Variants in PLCB4 observed in about 807,000 individuals in gnomAD.
PLCB4 encodes the protein phospholipase C beta 4.
Under a neutral mutation model 178.8 loss-of-function variants are expected in PLCB4, and 77 were observed. The ratio of observed to expected loss-of-function variants is 0.43; its 90% CI spans 0.36 to 0.52. The LOEUF (loss-of-function observed/expected upper bound fraction) is 0.52. Ranked by LOEUF, PLCB4 falls within the 20% of genes least tolerant of loss-of-function variation. PLCB4 has a pLI of 0.00. For missense variants in PLCB4, 1,024 were observed against 1,453.4 expected (o/e 0.70, Z 4.80); for synonymous variants, 496 against 490.8 (o/e 1.01, Z -0.14).
intron 3 of PLCB4, among the ~76,000 whole-genome samples, chr20:9,239,594 T>C (rs2094033819): frequency 6.6e-6 from 1 of 152,154 alleles, no homozygotes; most frequent in Non-Finnish European, 1.5e-5. Context: ...GATGGAAGGG[T>C]ACGCTATCAT....
rs574290648 is a variant in PLCB4 at position 9,227,043 on chromosome 20, T to C, written c.-16+9591T>C. Among the ~76,000 whole-genome samples the C allele has an allele frequency of 6.6e-5, 10 of 152,224 alleles. No homozygotes were observed. In the East Asian group the frequency reaches 1.7e-3, roughly 26 times the overall value. Reference sequence around the variant, plus strand: ...AATGGTACCTCCTTGTGGTTTTGCTTTATATTCCCTAATGACTGATGCTAT... The same window carrying C: ...AATGGTACCTCCTTGTGGTTTTGCTCTATATTCCCTAATGACTGATGCTAT... On this transcript the variant is annotated intron_variant, in intron 3 of 39. Transcript: ENST00000378473.
At chr20:9,333,449 G>A (rs1432758566) in intron 4 of PLCB4, among the ~76,000 whole-genome samples, 3 of 152,174 alleles carry the variant, frequency 2.0e-5, no homozygotes, top group Non-Finnish European at 4.4e-5. Flanking sequence ...ATGCTAGAGA[G>A]AGCTTGAGGG....
chr20:9,099,082 T>G (rs1220631198), intron 2 of PLCB4, among the ~76,000 whole-genome samples: 3 of 151,988 alleles, frequency 2.0e-5, no homozygotes. Flanking sequence ...TAAATCTACT[T>G]TATACTACTA....
chr20:9,153,822 A>AAAATTC (rs2092734768), intron 2 of PLCB4, among the ~76,000 whole-genome samples: 1 of 151,996 alleles, frequency 6.6e-6, no homozygotes, highest in Non-Finnish European at 1.5e-5. Context: ...TCAGGAAATG[A>AAAATTC]TTATTATAAT....
At chr20:9,113,640 T>A (rs1568774491) in intron 2 of PLCB4, among the ~76,000 whole-genome samples, 1 of 152,210 alleles carries the variant, frequency 6.6e-6, no homozygotes, top group Non-Finnish European at 1.5e-5. Flanking sequence ...AAATTTTATT[T>A]GTGTTTTAAT....
At chr20:9,352,773 T>C (rs1373408163) in intron 7 of PLCB4, among the ~76,000 whole-genome samples, 2 of 152,208 alleles carry the variant, frequency 1.3e-5, no homozygotes, top group Admixed American at 1.3e-4. Context: ...CTGAGGGTAA[T>C]TTAAGAATCA....
intron 9 of PLCB4, among the ~76,000 whole-genome samples, chr20:9,370,299 C>T (rs1420754889): frequency 6.6e-6 from 1 of 152,152 alleles, no homozygotes; most frequent in Non-Finnish European, 1.5e-5. Flanking sequence ...CCCCCTCACC[C>T]AACCCATCAT....
intron 2 of PLCB4, among the ~76,000 whole-genome samples, chr20:9,123,329 A>G (rs1188105103): frequency 6.6e-6 from 1 of 151,758 alleles, no homozygotes; most frequent in Non-Finnish European, 1.5e-5. Flanking sequence ...CCTGAGTAAC[A>G]TTTCACATTT....
chr20:9,340,872 C>T (rs183378478), intron 7 of PLCB4, among the ~76,000 whole-genome samples: 1 of 152,156 alleles, frequency 6.6e-6, no homozygotes, highest in Non-Finnish European at 1.5e-5. Flanking sequence ...ACTTTGTGTA[C>T]TGCCTTTCTT....
At chr20:9,436,714 A>T (rs982319315) in intron 29 of PLCB4, among the ~76,000 whole-genome samples, 1 of 152,148 alleles carries the variant, frequency 6.6e-6, no homozygotes, top group Non-Finnish European at 1.5e-5. Context: ...ACCTTCTCCC[A>T]TTCCAGTGCA....
At chr20:9,153,734 C>T (rs889312093) in intron 2 of PLCB4, among the ~76,000 whole-genome samples, 13 of 152,092 alleles carry the variant, frequency 8.5e-5, no homozygotes, top group African/African-American at 2.4e-4. Flanking sequence ...GTGAGTGATA[C>T]GATAAGGGGA....
intron 25 of PLCB4, among the ~76,000 whole-genome samples, chr20:9,413,793 C>T (rs780578388): frequency 5.5e-4 from 84 of 152,248 alleles, no homozygotes; most frequent in Non-Finnish European, 1.0e-3. Flanking sequence ...CAGGGTTTCG[C>T]TCTGTCACCC....
At chr20:9,440,880 G>C (rs1215067114) in intron 30 of PLCB4, among the ~76,000 whole-genome samples, 1 of 152,202 alleles carries the variant, frequency 6.6e-6, no homozygotes, top group Non-Finnish European at 1.5e-5. Flanking sequence ...CTTGGTAGGT[G>C]TGAGGGAGTG....
chr20:9,108,998 G>A (rs2091479560), intron 2 of PLCB4, among the ~76,000 whole-genome samples: 2 of 151,044 alleles, frequency 1.3e-5, no homozygotes, highest in Non-Finnish European at 3.0e-5. Context: ...AAACTTTATT[G>A]AGTCCCAGAA....
At chr20:9,405,751 G>A (rs1402174716) in intron 21 of PLCB4, among the ~76,000 whole-genome samples, 2 of 152,156 alleles carry the variant, frequency 1.3e-5, no homozygotes, top group East Asian at 3.9e-4. Context: ...TGGCCTTATT[G>A]TAGGAAAGGT....
intron 21 of PLCB4, among the ~76,000 whole-genome samples, chr20:9,407,601 C>T (rs192853700): frequency 6.6e-6 from 1 of 152,118 alleles, no homozygotes; most frequent in Non-Finnish European, 1.5e-5. Flanking sequence ...GAACTCCTGG[C>T]CTCCCAAAGT....
chr20:9,301,683 G>A (rs1203577891), intron 3 of PLCB4, among the ~76,000 whole-genome samples: 1 of 152,088 alleles, frequency 6.6e-6, no homozygotes, highest in Non-Finnish European at 1.5e-5. Context: ...GCCCACCTCA[G>A]CCCCCTTGTG....
intron 7 of PLCB4, 149 bp from the exon 8 acceptor site, chr20:9,362,747 C>T (rs1177394950): frequency 1.6e-6 from 1 of 611,902 alleles, no homozygotes; most frequent in Non-Finnish European, 2.9e-6. Flanking sequence ...TATGAGCCTG[C>T]AAAATATAGA....
At chr20:9,449,933 T>C (rs1301582484) in intron 32 of PLCB4, among the ~76,000 whole-genome samples, 1 of 152,186 alleles carries the variant, frequency 6.6e-6, no homozygotes, top group Non-Finnish European at 1.5e-5. Context: ...CAGAGTTACA[T>C]GCTGAGCAAA....
Sources: gnomAD v4.1 joint callset for allele counts (sites outside exome capture counted in the v4.1 genomes callset) on GRCh38, gnomAD v4.1.1 for gene constraint, MANE v1.5 for transcripts, NCBI Gene and HGNC (gene_info 2026-07-23, HGNC 2026-07-21) for gene names.